The following DAPK1 variants were observed in gnomAD, a reference collection of about 807,000 sequenced individuals.
DAPK1 encodes the protein death associated protein kinase 1.
Under a neutral mutation model 144.9 loss-of-function variants are expected in DAPK1, and 56 were observed. That is an observed-to-expected ratio of 0.39 (90% confidence interval 0.31 to 0.48). The LOEUF is 0.48. Ranked by LOEUF, DAPK1 falls within the 20% of genes least tolerant of loss-of-function variation. The pLI, the probability that DAPK1 is intolerant of heterozygous loss-of-function variation, is 0.95. For missense variants in DAPK1, 1,454 were observed against 1,875.4 expected (o/e 0.78, Z 4.15); for synonymous variants, 690 against 749.0 (o/e 0.92, Z 1.29).
At chr9:87,638,299 A>G (rs1829974108) in intron 4 of DAPK1, among the ~76,000 whole-genome samples, 2 of 152,220 alleles carry the variant, frequency 1.3e-5, no homozygotes, top group South Asian at 4.1e-4. Context: ...ATAATTGATT[A>G]CATTCTGGAA....
intron 3 of DAPK1, among the ~76,000 whole-genome samples, chr9:87,637,384 G>A (rs551398824): frequency 6.6e-5 from 10 of 152,162 alleles, no homozygotes; most frequent in East Asian, 1.9e-4. Context: ...GAGCCATTGC[G>A]CCCAGGCTAC....
chr9:87,589,564 T>TA (rs1035241462), intron 2 of DAPK1, among the ~76,000 whole-genome samples: 171 of 151,600 alleles, frequency 1.1e-3, no homozygotes, highest in Admixed American at 2.6e-3. Flanking sequence ...ACTTTTTTTT[T>TA]TATATGAACT....
intron 4 of DAPK1, 92 bp from the exon 5 acceptor site, chr9:87,639,262 T>C: frequency 1.6e-6 from 1 of 641,122 alleles, no homozygotes; most frequent in Non-Finnish European, 2.1e-6. Flanking sequence ...TTTTTGGCCT[T>C]TTTTTTTTTT....
intron 18 of DAPK1, among the ~76,000 whole-genome samples, chr9:87,663,806 C>T (rs1177906049): frequency 1.3e-5 from 2 of 152,234 alleles, no homozygotes; most frequent in South Asian, 2.1e-4. Context: ...TCTGTGCTTC[C>T]TCCTCCCCAG....
At chr9:87,687,805 C>T (rs1188976320) in intron 21 of DAPK1, among the ~76,000 whole-genome samples, 1 of 80,262 alleles carries the variant, frequency 1.2e-5, no homozygotes, top group Admixed American at 1.3e-4. Flanking sequence ...CCAGCTTCTG[C>T]TATTTTTTTT....
At chr9:87,510,686 T>C (rs1362744300) in intron 2 of DAPK1, among the ~76,000 whole-genome samples, 1 of 152,228 alleles carries the variant, frequency 6.6e-6, no homozygotes. Flanking sequence ...AAGTGCACGG[T>C]AAGCCATGTT....
intron 2 of DAPK1, among the ~76,000 whole-genome samples, chr9:87,567,767 C>T (rs1229822684): frequency 6.6e-6 from 1 of 152,102 alleles, no homozygotes; most frequent in African/African-American, 2.4e-5. Context: ...GTGAGCCCCA[C>T]CCCACCGGAC....
At chr9:87,522,507 T>C (rs111464533) in intron 2 of DAPK1, among the ~76,000 whole-genome samples, 46 of 152,238 alleles carry the variant, frequency 3.0e-4, no homozygotes, top group African/African-American at 1.1e-3. Context: ...AAGACATGCC[T>C]TTTTCTTCTC....
chr9:87,702,523 G>C (rs966113698), intron 24 of DAPK1, among the ~76,000 whole-genome samples: 2 of 152,158 alleles, frequency 1.3e-5, no homozygotes, highest in Non-Finnish European at 2.9e-5. Flanking sequence ...GAGAGAGAGC[G>C]AGGGAAGAAA....
At chr9:87,544,794 T>C (rs1235753126) in intron 2 of DAPK1, among the ~76,000 whole-genome samples, 1 of 152,214 alleles carries the variant, frequency 6.6e-6, no homozygotes, top group Non-Finnish European at 1.5e-5. Flanking sequence ...GACATAAAGC[T>C]AATTTTCCTA....
intron 3 of DAPK1, chr9:87,632,957 G>A (rs372259189): frequency 4.2e-5 from 41 of 968,060 alleles, no homozygotes; most frequent in Middle Eastern, 5.3e-4. Context: ...TAGGGATGAA[G>A]GAGGATGAGT....
At chr9:87,679,927 G>C (rs980877575) in intron 19 of DAPK1, among the ~76,000 whole-genome samples, 7 of 152,126 alleles carry the variant, frequency 4.6e-5, no homozygotes, top group Non-Finnish European at 7.3e-5. Flanking sequence ...AGATGCTCTT[G>C]CTGGTCAGAC....
intron 3 of DAPK1, among the ~76,000 whole-genome samples, chr9:87,619,856 G>T (rs1056259920): frequency 6.6e-6 from 1 of 152,152 alleles, no homozygotes; most frequent in African/African-American, 2.4e-5. Flanking sequence ...TGCCCATCAC[G>T]TAACAGCTGC....
chr9:87,639,085 C>T lies in DAPK1; in HGVS notation c.424-269C>T, dbSNP rs36211349. On this transcript the variant is annotated intron_variant, in intron 4 of 25. Coordinates refer to ENST00000408954, the MANE Select transcript of DAPK1 (RefSeq NM_004938.4). ...CACTTGATAGGACACCTCGTAGCAG[C>T]TTCCTTCTGTTTCCTGTATCTCCTT... 6.5e-3 allele frequency among the ~76,000 whole-genome samples: 987 copies of T among 152,284 alleles called. 44 individuals carry two copies. The highest frequency in any genetic ancestry group is 0.06 in the Admixed American group (923 of 15,288).
chr9:87,602,712 C>T (rs1828568055), intron 2 of DAPK1, among the ~76,000 whole-genome samples: 1 of 152,012 alleles, frequency 6.6e-6, no homozygotes, highest in Non-Finnish European at 1.5e-5. Flanking sequence ...CGGCTCACTG[C>T]AAGCTCCACC....
Position 87,686,616 on chromosome 9 carries a change from A to T in DAPK1, c.2290A>T (p.Met764Leu). 1 of 1,608,984 alleles carries T rather than the reference A, an allele frequency of 6.2e-7. No homozygotes were observed. The highest frequency in any genetic ancestry group is 8.5e-7 in the Non-Finnish European group (1 of 1,176,812). The change falls in exon 21 of 26, where the codon ATG becomes TTG. Residue 764 changes from methionine to leucine, a missense_variant. By Grantham distance (15) the Met-to-Leu change is conservative. This residue lies in a region of DAPK1 where 1,025 missense variants were observed against 1,237.9 expected (regional missense o/e 0.83). Coordinates refer to ENST00000408954, the MANE Select transcript of DAPK1 (RefSeq NM_004938.4). The surrounding 1 kb of genome is among the most constrained non-coding windows in gnomAD (Gnocchi z 4.2). ...CGTGAGTGTGAGGAGCCGCAGCATG[A>T]TGTTCGAGCCGGGTCTTACCAAAGG... ...ENVSVRSRSM[M>L]FEPGLTKGML...
At chr9:87,540,773 C>T (rs552972594) in intron 2 of DAPK1, among the ~76,000 whole-genome samples, 2 of 152,146 alleles carry the variant, frequency 1.3e-5, no homozygotes, top group African/African-American at 2.4e-5. Context: ...CATACCACAG[C>T]GTAGTTGCTC....
chr9:87,499,016 G>A lies in DAPK1; in HGVS notation c.-62G>A. The A allele has an allele frequency of 1.2e-5, 17 of 1,391,298 alleles. No homozygotes were observed. Among genetic ancestry groups the A allele is most frequent in the Non-Finnish European group, 1.7e-5 (17 of 977,754 alleles). The allele number at this position is 1,391,298 out of a possible 1,614,324, so 86.2% of individuals were successfully genotyped here. Reference sequence around the variant, plus strand: ...GGGGCTACGGAGGCGCAGGAGCGGTGGTGATGGTCTGGGAAGCGGAGCTGA... The same window carrying A: ...GGGGCTACGGAGGCGCAGGAGCGGTAGTGATGGTCTGGGAAGCGGAGCTGA... On this transcript the variant is annotated 5_prime_UTR_variant, in exon 2 of 26. It introduces an in-frame stop codon into an upstream open reading frame of the 5' UTR. Transcript: ENST00000408954.
chr9:87,664,235 G>A (rs1358740205), intron 18 of DAPK1, among the ~76,000 whole-genome samples: 1 of 152,086 alleles, frequency 6.6e-6, no homozygotes, highest in East Asian at 1.9e-4. Context: ...CTGGGTCCTG[G>A]GAAGCCCCTG....
Sources: gnomAD v4.1 joint callset for allele counts (sites outside exome capture counted in the v4.1 genomes callset) on GRCh38, gnomAD v4.1.1 for gene constraint, gnomAD v4.1.1 regional missense constraint, Gnocchi (gnomAD v3.1) non-coding constraint, MANE v1.5 for transcripts, NCBI Gene and HGNC (gene_info 2026-07-23, HGNC 2026-07-21) for gene names.